Variants in COG6 observed in about 807,000 individuals in gnomAD.
The protein encoded by COG6 is conserved oligomeric Golgi complex subunit 6.
Under a neutral mutation model 88.8 loss-of-function variants are expected in COG6, and 74 were observed. The ratio of observed to expected loss-of-function variants is 0.83; its 90% CI spans 0.69 to 1.01. The LOEUF is 1.01. COG6 is among the 50% of genes least tolerant of loss of function. The probability of loss-of-function intolerance (pLI) is 0.00; values close to 1 mark genes in which losing one functional copy is unlikely to be tolerated. For missense variants in COG6, 800 were observed against 797.9 expected, an observed-to-expected ratio of 1.00 and a Z score of -0.03; for synonymous variants, 286 against 278.7, an observed-to-expected ratio of 1.03 and a Z score of -0.26.
intron 2 of COG6, among the ~76,000 whole-genome samples, chr13:39,660,238 G>A (rs1001226939): frequency 4.6e-5 from 7 of 152,124 alleles, no homozygotes; most frequent in Admixed American, 3.3e-4. Flanking sequence ...GGGCTGGAGT[G>A]TAGTGGCTGT....
At chr13:39,680,559 A>T (rs938934027) in intron 7 of COG6, among the ~76,000 whole-genome samples, 15 of 152,212 alleles carry the variant, frequency 9.9e-5, no homozygotes, top group African/African-American at 3.1e-4. Context: ...TAAAATCTAA[A>T]TGTTGGTAGA....
chr13:39,709,861 C>T (rs1878144061), intron 13 of COG6, among the ~76,000 whole-genome samples: 1 of 152,140 alleles, frequency 6.6e-6, no homozygotes, highest in African/African-American at 2.4e-5. Flanking sequence ...ACACTTGATC[C>T]AGCACCATTT....
At chr13:39,775,763 A>T (rs1268173494) in intron 18 of COG6, among the ~76,000 whole-genome samples, 1 of 151,994 alleles carries the variant, frequency 6.6e-6, no homozygotes, top group Non-Finnish European at 1.5e-5. Context: ...TCAGAGATAC[A>T]TCTGAAATTT....
chr13:39,708,108 G>A (rs1878040814), intron 13 of COG6, among the ~76,000 whole-genome samples: 1 of 152,020 alleles, frequency 6.6e-6, no homozygotes, highest in Non-Finnish European at 1.5e-5. Flanking sequence ...TTTGCTTGTA[G>A]TTTGCATTTT....
Position 39,751,662 on chromosome 13 carries a change from T to C in COG6, c.*569T>C. The C allele has an allele frequency of 2.3e-6, 3 of 1,286,996 alleles. No individual in the cohort carries two copies. Among genetic ancestry groups the C allele is most frequent in the Non-Finnish European group, 3.0e-6 (3 of 988,556 alleles). The allele number at this position is 1,286,996 out of a possible 1,614,324, so 79.7% of individuals were successfully genotyped here. A position where few individuals can be genotyped will look rare whatever the true frequency, so the allele number is the denominator to read the frequency against. ...TGGTGTATATGGCAGTGAATCTCCT[T>C]TCTGTTCTACTTTAGCATACTATAT... On this transcript the variant is annotated 3_prime_UTR_variant, in exon 19 of 19. Coordinates refer to ENST00000455146, the MANE Select transcript of COG6 (RefSeq NM_020751.3).
downstream of COG6, among the ~76,000 whole-genome samples, chr13:39,754,896 G>A (rs1241857235): frequency 6.6e-6 from 1 of 152,060 alleles, no homozygotes. Flanking sequence ...TAATTCAGCC[G>A]GATGTCCTTG....
chr13:39,692,239 A>T (rs1309040404), intron 11 of COG6, among the ~76,000 whole-genome samples: 1 of 151,966 alleles, frequency 6.6e-6, no homozygotes, highest in Non-Finnish European at 1.5e-5. Flanking sequence ...ACATGTCTTT[A>T]TTCCAAAACT....
chr13:39,704,877 C>T (rs745494241), intron 13 of COG6, among the ~76,000 whole-genome samples: 1 of 152,064 alleles, frequency 6.6e-6, no homozygotes, highest in South Asian at 2.1e-4. Context: ...ATGTTTTTCT[C>T]AGATATGAAC....
intron 13 of COG6, among the ~76,000 whole-genome samples, chr13:39,717,744 A>G (rs1236318357): frequency 6.6e-6 from 1 of 152,120 alleles, no homozygotes; most frequent in South Asian, 2.1e-4. Flanking sequence ...ATGTGCCTGT[A>G]GTCCTAGCTG....
chr13:39,670,020 G>T (rs1290161591), intron 4 of COG6, among the ~76,000 whole-genome samples: 1 of 152,112 alleles, frequency 6.6e-6, no homozygotes, highest in African/African-American at 2.4e-5. Flanking sequence ...ATAGAAATCT[G>T]TTTCTATATG....
At chr13:39,784,573 G>A (rs536038907) in intron 18 of COG6, among the ~76,000 whole-genome samples, 1 of 152,198 alleles carries the variant, frequency 6.6e-6, no homozygotes, top group Non-Finnish European at 1.5e-5. Context: ...AATAACCAGA[G>A]CTTTTAGTTT....
chr13:39,758,653 G>A (rs968936030), intron 18 of COG6, among the ~76,000 whole-genome samples: 1 of 152,124 alleles, frequency 6.6e-6, no homozygotes, highest in Non-Finnish European at 1.5e-5. Flanking sequence ...AAGTGGTACA[G>A]CTGATGTGGA....
chr13:39,751,062 C>T lies in COG6; in HGVS notation c.1943C>T (p.Ser648Leu), dbSNP rs527748425. 14 of 1,613,668 alleles carry T rather than the reference C, an allele frequency of 8.7e-6. No homozygotes were observed. Among genetic ancestry groups the T allele is most frequent in the African/African-American group, 1.3e-5 (1 of 75,014 alleles). Reference sequence around the variant, plus strand: ...GATCCAGAGAACATTCTTCACCGATCGCCGCAGCAAGTGCAGACGCTTCTT... The same window carrying T: ...GATCCAGAGAACATTCTTCACCGATTGCCGCAGCAAGTGCAGACGCTTCTT... ...YKDPENILHR[S>L]PQQVQTLLS The change falls in exon 19 of 19, where the codon TCG (serine) becomes TTG (leucine). Residue 648 changes from serine to leucine, a missense_variant. Physicochemically the swap from Ser to Leu is moderately radical, Grantham distance 145. Coordinates refer to ENST00000455146, the MANE Select transcript of COG6 (RefSeq NM_020751.3).
At chr13:39,742,202 G>A (rs1189672170) in intron 18 of COG6, among the ~76,000 whole-genome samples, 1 of 152,082 alleles carries the variant, frequency 6.6e-6, no homozygotes, top group South Asian at 2.1e-4. Context: ...CAACTAACGG[G>A]CAAAATAACC....
chr13:39,778,324 G>A (rs2138185261), intron 18 of COG6, among the ~76,000 whole-genome samples: 1 of 152,314 alleles, frequency 6.6e-6, no homozygotes, highest in African/African-American at 2.4e-5. Context: ...CCTAGAAAAG[G>A]CAGCATAGGG....
chr13:39,719,505 TATC>T (rs1878729895), intron 14 of COG6, 138 bp downstream of exon 14: 7 of 1,158,746 alleles, frequency 6.0e-6, no homozygotes, highest in Admixed American at 4.0e-5. Flanking sequence ...TTAAACCAGT[TATC>T]ATAACTTAAA....
chr13:39,739,658 T>C (rs1384648179), intron 18 of COG6, among the ~76,000 whole-genome samples: 1 of 152,120 alleles, frequency 6.6e-6, no homozygotes, highest in Admixed American at 6.5e-5. Context: ...CATGACACTA[T>C]GTTGGAATAT....
chr13:39,681,177 G>A (rs1236830689), intron 7 of COG6, among the ~76,000 whole-genome samples: 1 of 152,196 alleles, frequency 6.6e-6, no homozygotes, highest in African/African-American at 2.4e-5. Context: ...CTGTTGGAAG[G>A]GGTTGGAATT....
chr13:39,665,611 A>C (rs1054803061), intron 4 of COG6, among the ~76,000 whole-genome samples: 1 of 152,202 alleles, frequency 6.6e-6, no homozygotes, highest in African/African-American at 2.4e-5. Context: ...TGAGTGAGTG[A>C]ATAAAGGTGA....
Sources: allele counts gnomAD v4.1 joint callset (sites outside exome capture counted in the v4.1 genomes callset), GRCh38; gene constraint gnomAD v4.1.1; transcripts MANE v1.5; gene names NCBI Gene and HGNC (gene_info 2026-07-23, HGNC 2026-07-21).